Variants in TNR observed in about 807,000 individuals in gnomAD.
TNR encodes the protein tenascin-R.
In TNR, 45 loss-of-function variants were observed where a neutral mutation model predicts 150.4. That is an observed-to-expected ratio of 0.30 (90% confidence interval 0.24 to 0.38). TNR has a LOEUF of 0.38. TNR is among the 10% of genes least tolerant of loss of function. TNR has a pLI of 1.00. For synonymous variants in TNR, 687 were observed against 678.4 expected (o/e 1.01, Z -0.20); for missense variants, 1,544 against 1,759.1 (o/e 0.88, Z 2.19).
intron 18 of TNR, among the ~76,000 whole-genome samples, chr1:175,341,594 A>G (rs993133603): frequency 2.0e-5 from 3 of 152,196 alleles, no homozygotes; most frequent in Non-Finnish European, 2.9e-5. Flanking sequence ...CACTGCTGGG[A>G]CAGACTTTCT....
chr1:175,506,974 C>G (rs1257651796), intron 2 of TNR, among the ~76,000 whole-genome samples: 1 of 152,146 alleles, frequency 6.6e-6, no homozygotes, highest in Admixed American at 6.5e-5. Flanking sequence ...AACAGTATAG[C>G]AGGGGTGCGT....
At position 175,696,227 on chromosome 1, in the gene TNR, T is replaced by TGGTTGTTGTTG. The variant is rs1553254735; in HGVS notation, c.-165+46998_-165+46999insCAACAACAACC. ...ATGAGCCTTCCTGTAGTTTTTTTTT[T>TGGTTGTTGTTG]TTTTTTTTTTTTTTTTTCCAAAATT... On this transcript the variant is annotated intron_variant, in intron 1 of 22. Coordinates refer to ENST00000367674, the MANE Select transcript of TNR (RefSeq NM_003285.3). 2.7e-5 allele frequency among the ~76,000 whole-genome samples: 2 copies of TGGTTGTTGTTG among 74,002 alleles called. 1 individual carries two copies. Among genetic ancestry groups the TGGTTGTTGTTG allele is most frequent in the South Asian group, 9.5e-4 (2 of 2,100 alleles). The allele number at this position is 74,002 out of a possible 152,430, so 48.5% of individuals were successfully genotyped here.
At chr1:175,371,889 C>T (rs918856770) in intron 9 of TNR, among the ~76,000 whole-genome samples, 28 of 152,252 alleles carry the variant, frequency 1.8e-4, no homozygotes, top group African/African-American at 6.0e-4. Context: ...ACTTGGAATT[C>T]GAGAGTGATT....
rs945453387 is a variant in TNR, at chr1:175,382,584, C to A, written c.1778-2847G>T. ...CCAGGGCTGCCATAACAAGGTACCA[C>A]CAACTGGGTGTCTTAAATAATATAA... On this transcript the variant is annotated intron_variant, in intron 8 of 22. Transcript: ENST00000367674. Among the ~76,000 whole-genome samples the A allele has an allele frequency of 2.0e-4, 31 of 152,182 alleles. 1 individual carries two copies. The highest frequency in any genetic ancestry group is 3.7e-4 in the Non-Finnish European group (25 of 68,030).
chr1:175,637,969 A>T (rs749542287), intron 1 of TNR, among the ~76,000 whole-genome samples: 7 of 152,178 alleles, frequency 4.6e-5, no homozygotes, highest in South Asian at 2.1e-4. Flanking sequence ...CCCCACCCCC[A>T]TCTCCAGTGA....
intron 12 of TNR, among the ~76,000 whole-genome samples, chr1:175,364,313 A>AT (rs1168088980): frequency 6.8e-6 from 1 of 147,388 alleles, no homozygotes; most frequent in Admixed American, 6.9e-5. Flanking sequence ...ATTGTATTTC[A>AT]TTTATGCTAT....
chr1:175,690,496 A>C (rs577599874), intron 1 of TNR, among the ~76,000 whole-genome samples: 1 of 152,346 alleles, frequency 6.6e-6, no homozygotes, highest in Admixed American at 6.5e-5. Flanking sequence ...CATGACTCTC[A>C]GAAGACACAG....
chr1:175,555,799 C>G (rs527861401), intron 1 of TNR, among the ~76,000 whole-genome samples: 1 of 152,156 alleles, frequency 6.6e-6, no homozygotes, highest in African/African-American at 2.4e-5. Context: ...GTAGCTGACC[C>G]AAGTTCAGCT....
chr1:175,622,593 G>A (rs1664016343), intron 1 of TNR, among the ~76,000 whole-genome samples: 1 of 152,170 alleles, frequency 6.6e-6, no homozygotes, highest in Non-Finnish European at 1.5e-5. Flanking sequence ...TAAGGCCCCA[G>A]TATGGGCATC....
intron 1 of TNR, among the ~76,000 whole-genome samples, chr1:175,668,004 C>T (rs4650926): frequency 0.09 from 13,637 of 152,202 alleles, 695 homozygotes; most frequent in East Asian, 0.18. Context: ...TGCAGAATCT[C>T]AGGCCTCTCC....
At chr1:175,681,586 G>C (rs1319240182) in intron 1 of TNR, among the ~76,000 whole-genome samples, 1 of 152,194 alleles carries the variant, frequency 6.6e-6, no homozygotes, top group Non-Finnish European at 1.5e-5. Context: ...GCTCCTTCCT[G>C]TCTCCTGCCC....
At chr1:175,469,836 T>G (rs1166646731) in intron 2 of TNR, among the ~76,000 whole-genome samples, 1 of 151,940 alleles carries the variant, frequency 6.6e-6, no homozygotes, top group Non-Finnish European at 1.5e-5. Context: ...GAAGCACTAT[T>G]GAGGCTGAAA....
chr1:175,454,442 G>A (rs991416136), intron 2 of TNR, among the ~76,000 whole-genome samples: 5 of 152,264 alleles, frequency 3.3e-5, no homozygotes, highest in South Asian at 2.1e-4. Context: ...CAGAGCCCTC[G>A]GAGTATTGGT....
At chr1:175,388,367 A>T (rs1222484166) in intron 7 of TNR, among the ~76,000 whole-genome samples, 1 of 152,164 alleles carries the variant, frequency 6.6e-6, no homozygotes, top group African/African-American at 2.4e-5. Flanking sequence ...AACATATTAA[A>T]ATGTGATTAT....
At chr1:175,485,589 T>C (rs567781118) in intron 2 of TNR, among the ~76,000 whole-genome samples, 8 of 152,222 alleles carry the variant, frequency 5.3e-5, no homozygotes, top group African/African-American at 1.9e-4. Flanking sequence ...GGCAGATGAA[T>C]TTAAAGACAC....
At chr1:175,597,722 T>C (rs886366357) in intron 1 of TNR, among the ~76,000 whole-genome samples, 1 of 152,206 alleles carries the variant, frequency 6.6e-6, no homozygotes, top group African/African-American at 2.4e-5. Flanking sequence ...GGGGCCCTAG[T>C]TAGCTGGACC....
At chr1:175,649,521 T>G (rs10913048) in intron 1 of TNR, among the ~76,000 whole-genome samples, 48,254 of 152,002 alleles carry the variant, frequency 0.32, 9,692 homozygotes, top group African/African-American at 0.55. Flanking sequence ...TCCTTGTTTC[T>G]TGATGGAGCA....
At chr1:175,419,886 A>G (rs1654674884) in intron 2 of TNR, among the ~76,000 whole-genome samples, 1 of 151,458 alleles carries the variant, frequency 6.6e-6, no homozygotes, top group Non-Finnish European at 1.5e-5. Context: ...TGGCACACAC[A>G]CTCCTTGGAA....
chr1:175,499,966 A>G (rs765155415), intron 2 of TNR, among the ~76,000 whole-genome samples: 4 of 152,222 alleles, frequency 2.6e-5, no homozygotes, highest in Non-Finnish European at 2.9e-5. Context: ...AGAAAATACA[A>G]TGCCTATGGT....
Sources: allele counts gnomAD v4.1 joint callset (sites outside exome capture counted in the v4.1 genomes callset), GRCh38; gene constraint gnomAD v4.1.1; transcripts MANE v1.5; gene names NCBI Gene and HGNC (gene_info 2026-07-23, HGNC 2026-07-21).